The following COL11A1 variants were observed in gnomAD, a reference collection of about 807,000 sequenced individuals.
COL11A1 encodes collagen alpha-1(XI) chain.
A neutral mutation model predicts 265.2 loss-of-function variants in COL11A1; 74 were observed. The ratio of observed to expected loss-of-function variants is 0.28; its 90% confidence interval spans 0.23 to 0.34. The LOEUF is 0.34. Among genes scored for constraint, COL11A1 ranks in the 10% least tolerant of loss-of-function variants. The probability of loss-of-function intolerance (pLI) is 1.00; values close to 1 mark genes in which losing one functional copy is unlikely to be tolerated. For missense variants in COL11A1, 2,165 were observed against 2,263.6 expected (o/e 0.96, Z 0.88); for synonymous variants, 816 against 727.6 (o/e 1.12, Z -1.96).
At chr1:102,990,575 T>C (rs907136649) in intron 28 of COL11A1, among the ~76,000 whole-genome samples, 1 of 152,170 alleles carries the variant, frequency 6.6e-6, no homozygotes, top group African/African-American at 2.4e-5. Context: ...TATTGAAACC[T>C]AGATTTTTAA....
At chr1:102,965,666 A>C (rs1243096081) in intron 37 of COL11A1, 126 bp from the exon 38 acceptor site, 1 of 726,556 alleles carries the variant, frequency 1.4e-6, no homozygotes, top group Admixed American at 2.4e-5. Flanking sequence ...ATTTATTTTC[A>C]AATGCTTAAA....
chr1:103,005,865 C>T lies in COL11A1; in HGVS notation c.1818G>A (p.Pro606=), dbSNP rs748195901. Residue 606 remains proline, a synonymous_variant, in exon 18 of 67, where the codon CCG becomes CCA. Transcript: ENST00000370096. ...AKGDRGFDGL[P]GLPGDKGHRG... is the part of the protein sequence containing the mutation. The stretch of plus-strand genomic sequence containing the variant: ...TGTGACCTTTGTCACCTGGCAGACC[C>T]GGAAGTCCATCAAACCCTCGATCTC... The T allele has an allele frequency of 1.1e-5, 18 of 1,613,402 alleles. No homozygotes were observed. In the African/African-American group the frequency reaches 1.7e-4, roughly 16 times the overall value.
chr1:102,997,101 C>T lies in COL11A1; in HGVS notation c.2220G>A (p.Gln740=). Residue 740 remains glutamine (Q), a synonymous_variant, in exon 26 of 67, where the codon CAG becomes CAA. Coordinates refer to ENST00000370096, the MANE Select transcript of COL11A1 (RefSeq NM_001854.4). ...CTACCAGAGCCCCCTTTTCTCCAGA[C>T]TGGCCTTCTTTCCCAGGATGACCCT... The part of the protein sequence containing the change: ...GPPGHPGKEG[Q]SGEKGALGPP... 1 of 1,612,006 alleles carries T rather than the reference C, an allele frequency of 6.2e-7. No homozygotes were observed. The highest frequency in any genetic ancestry group is 8.5e-7 in the Non-Finnish European group (1 of 1,178,486).
At chr1:103,101,533 T>C (rs137900292) in intron 1 of COL11A1, among the ~76,000 whole-genome samples, 83 of 151,860 alleles carry the variant, frequency 5.5e-4, no homozygotes, top group African/African-American at 1.9e-3. Flanking sequence ...AAAATCTGAG[T>C]GAGGAAGGAA....
chr1:102,891,379 TAAAGA>T (rs145131545), intron 57 of COL11A1, among the ~76,000 whole-genome samples: 1 of 151,972 alleles, frequency 6.6e-6, no homozygotes, highest in African/African-American at 2.4e-5. Flanking sequence ...ATGAAATTAA[TAAAGA>T]AATTTATTTT....
At chr1:103,074,811 T>G in intron 3 of COL11A1, 31 bp from the exon 4 acceptor site, 1 of 1,611,408 alleles carries the variant, frequency 6.2e-7, no homozygotes, top group Non-Finnish European at 8.5e-7. Flanking sequence ...TTTTGTAAGC[T>G]TCAAAGAAAC....
At position 102,910,787 on chromosome 1, in the gene COL11A1, A is replaced by T. The variant is rs894751125; in HGVS notation, c.4086+1372T>A. Among the ~76,000 whole-genome samples, 11 of 152,166 alleles carry T rather than the reference A, an allele frequency of 7.2e-5. No homozygotes were observed. The East Asian group carries it at 2.1e-3, about 29-fold the overall frequency. Reference sequence around the variant, plus strand: ...ATTTGCCCAACGTAATACAGGTAATAACTGGTGTAGCTGGGTTGAAAGCCA... The same window carrying T: ...ATTTGCCCAACGTAATACAGGTAATTACTGGTGTAGCTGGGTTGAAAGCCA... On this transcript the variant is annotated intron_variant, in intron 54 of 66. Transcript: ENST00000370096.
In COL11A1 at chr1:103,074,708, C is replaced by T. The variant is rs368813913; in HGVS notation, c.561G>A (p.Thr187=). 45 of 1,613,248 alleles carry T rather than the reference C, an allele frequency of 2.8e-5. No individual in the cohort carries two copies. The highest frequency in any genetic ancestry group is 6.7e-5 in the African/African-American group (5 of 74,866). The change falls in exon 4 of 67, where the codon ACG becomes ACA. Residue 187 remains threonine (T), a synonymous_variant. Coordinates refer to ENST00000370096, the MANE Select transcript of COL11A1 (RefSeq NM_001854.4). Reference sequence around the variant, plus strand: ...CTCTCTCACTTCTATCAAGTGGTTTCGTGGTTTTCTTCTTACAATCAACAA... The same window carrying T: ...CTCTCTCACTTCTATCAAGTGGTTTTGTGGTTTTCTTCTTACAATCAACAA... The part of the protein sequence containing the change: ...TMIVDCKKKT[T]KPLDRSERAI...
rs769561146 is a variant in COL11A1, at chr1:103,022,763, T to G, written c.1224A>C (p.Glu408Asp). 3.1e-6 allele frequency: 5 copies of G among 1,613,556 alleles called. No individual in the cohort carries two copies. The South Asian group carries it at 5.5e-5, about 18-fold the overall frequency. Reference sequence around the variant, plus strand: ...TTACGCTTGTTTCTGTAATATCAGTTTCTGCTGGTACACCTGGACCAAATT... The same window carrying G: ...TTACGCTTGTTTCTGTAATATCAGTGTCTGCTGGTACACCTGGACCAAATT... ...NEEFGPGVPA[E>D]TDITETSING... The change falls in exon 8 of 67, where the codon GAA (glutamate) becomes GAC (aspartate). Residue 408 changes from glutamate (E) to aspartate (D), a missense_variant. Physicochemically the swap from Glu to Asp is conservative, Grantham distance 45. Transcript: ENST00000370096.
In COL11A1 at chr1:102,979,265, G is replaced by A. The variant is rs985279290; in HGVS notation, c.2610+117C>T. On this transcript the variant is annotated intron_variant, in intron 32 of 66. Coordinates refer to ENST00000370096, the MANE Select transcript of COL11A1 (RefSeq NM_001854.4). ...GCTGCCCAGGCTGGCCTGGAACTCC[G>A]GGATTCAAGCAATCCTCCACCTGAG... 4.8e-5 allele frequency: 58 copies of A among 1,214,212 alleles called. 1 individual carries two copies. The highest frequency in any genetic ancestry group is 3.7e-4 in the African/African-American group (25 of 66,942). The allele number at this position is 1,214,212 out of a possible 1,614,324, so 75.2% of individuals were successfully genotyped here.
intron 52 of COL11A1, among the ~76,000 whole-genome samples, chr1:102,914,012 A>G (rs2101028080): frequency 6.6e-6 from 1 of 152,268 alleles, no homozygotes; most frequent in Non-Finnish European, 1.5e-5. Context: ...TTGAAATAGG[A>G]TTTGCATTAT....
rs961154941 is a variant in COL11A1 at position 102,988,646 on chromosome 1, TAAAC to T, written c.2394+868_2394+871del. On this transcript the variant is annotated intron_variant, in intron 29 of 66. Coordinates refer to ENST00000370096, the MANE Select transcript of COL11A1 (RefSeq NM_001854.4). Reference sequence around the variant, plus strand: ...ACTTAATCAATCTTTTCATATTTAATAAACAACTGAATATAGTCTGATATTTGAA... The same window carrying T: ...ACTTAATCAATCTTTTCATATTTAATAACTGAATATAGTCTGATATTTGAA... 7.9e-5 allele frequency among the ~76,000 whole-genome samples: 12 copies of T among 152,300 alleles called. No individual in the cohort carries two copies. The East Asian group carries it at 2.3e-3, about 29-fold the overall frequency.
chr1:102,987,817 G>A (rs892771601), intron 29 of COL11A1, 77 bp from the exon 30 acceptor site: 3 of 1,059,526 alleles, frequency 2.8e-6, no homozygotes, highest in African/African-American at 3.1e-5. Flanking sequence ...AATTATGACA[G>A]TGAAAGAGAT....
chr1:102,981,401 G>GC (rs931936108), intron 31 of COL11A1, among the ~76,000 whole-genome samples: 140 of 151,794 alleles, frequency 9.2e-4, no homozygotes, highest in Non-Finnish European at 1.7e-3. Context: ...TTTTGAGGGG[G>GC]GGGACAAATA....
intron 40 of COL11A1, 96 bp downstream of exon 40, chr1:102,962,080 A>G (rs1022742965): frequency 1.2e-5 from 13 of 1,123,300 alleles, no homozygotes; most frequent in African/African-American, 4.6e-5. Context: ...ATGTTTATAT[A>G]TCTTCCCTTA....
At chr1:102,902,841 C>T (rs1027310014) in intron 54 of COL11A1, among the ~76,000 whole-genome samples, 1 of 149,220 alleles carries the variant, frequency 6.7e-6, no homozygotes, top group Non-Finnish European at 1.5e-5. Flanking sequence ...TATATATATA[C>T]ACACACATAG....
chr1:103,070,840 T>G (rs1671527675), intron 4 of COL11A1, among the ~76,000 whole-genome samples: 1 of 151,894 alleles, frequency 6.6e-6, no homozygotes, highest in African/African-American at 2.4e-5. Context: ...TCTACTAAAA[T>G]TCAACTTTTA....
intron 49 of COL11A1, among the ~76,000 whole-genome samples, chr1:102,919,353 T>C (rs1363444667): frequency 1.3e-5 from 2 of 151,456 alleles, no homozygotes; most frequent in African/African-American, 4.8e-5. Context: ...AACAATCTAA[T>C]CTTATTACAT....
At chr1:102,999,248 T>C (rs1664900281) in intron 24 of COL11A1, among the ~76,000 whole-genome samples, 1 of 151,960 alleles carries the variant, frequency 6.6e-6, no homozygotes, top group Non-Finnish European at 1.5e-5. Context: ...TTGCCTGCCA[T>C]TGCAGTTTTA....
Sources: gnomAD v4.1 joint callset for allele counts (sites outside exome capture counted in the v4.1 genomes callset) on GRCh38, gnomAD v4.1.1 for gene constraint, MANE v1.5 for transcripts, NCBI Gene and HGNC (gene_info 2026-07-23, HGNC 2026-07-21) for gene names.